MTHFD2L: variants seen among roughly 807,000 people sequenced by gnomAD.
The protein encoded by MTHFD2L is bifunctional methylenetetrahydrofolate dehydrogenase/cyclohydrolase 2, mitochondrial.
A neutral mutation model predicts 34.9 loss-of-function variants in MTHFD2L; 29 were observed. The ratio of observed to expected loss-of-function variants is 0.83; its 90% CI spans 0.62 to 1.13. The LOEUF is 1.13. Ranked by LOEUF, MTHFD2L falls within the 50% of genes most tolerant of loss-of-function variation. The pLI is 0.00. For missense variants in MTHFD2L, 481 were observed against 446.5 expected, an observed-to-expected ratio of 1.08 and a Z score of -0.70; for synonymous variants, 167 against 155.7, an observed-to-expected ratio of 1.07 and a Z score of -0.54.
At chr4:74,117,363 T>C (rs1402962335) in intron 2 of MTHFD2L, among the ~76,000 whole-genome samples, 3 of 152,198 alleles carry the variant, frequency 2.0e-5, no homozygotes, top group Admixed American at 6.5e-5. Flanking sequence ...ATTCAGCTAC[T>C]ATTGTTAAGA....
At chr4:74,269,599 T>A (rs894513579) in intron 6 of MTHFD2L, among the ~76,000 whole-genome samples, 2 of 152,000 alleles carry the variant, frequency 1.3e-5, no homozygotes, top group Admixed American at 6.6e-5. Context: ...ATAAATTATG[T>A]CTACTTTCAT....
intron 5 of MTHFD2L, among the ~76,000 whole-genome samples, chr4:74,221,252 CAT>C (rs1184011467): frequency 2.0e-5 from 3 of 151,212 alleles, no homozygotes; most frequent in Non-Finnish European, 3.0e-5. Flanking sequence ...ACCATTTGCA[CAT>C]GAGAAGAAAA....
upstream of MTHFD2L, chr4:74,123,161 A>G (rs995964747): frequency 6.6e-6 from 1 of 152,190 alleles, no homozygotes; most frequent in Non-Finnish European, 1.5e-5. Flanking sequence ...TTCAAAGTGC[A>G]TAGTGGCATA....
At chr4:74,164,876 C>A in intron 1 of MTHFD2L, 1 of 703,014 alleles carries the variant, frequency 1.4e-6, no homozygotes, top group Non-Finnish European at 1.7e-6. Context: ...CAGCAGTAGG[C>A]TGGGCTTTTG....
chr4:74,272,615 G>A (rs1224851398), intron 6 of MTHFD2L, among the ~76,000 whole-genome samples: 1 of 152,056 alleles, frequency 6.6e-6, no homozygotes, highest in Non-Finnish European at 1.5e-5. Flanking sequence ...TTTAATGATT[G>A]GTAATACCGG....
At chr4:74,194,536 T>C (rs1490391801) in intron 3 of MTHFD2L, 3 of 152,230 alleles carry the variant, frequency 2.0e-5, no homozygotes, top group Non-Finnish European at 4.4e-5. Context: ...CAATATAAGC[T>C]ACTTCACAAT....
At chr4:74,292,824 TTTTTTAGTAGAAATA>T (rs1749126148) in intron 7 of MTHFD2L, among the ~76,000 whole-genome samples, 1 of 152,062 alleles carries the variant, frequency 6.6e-6, no homozygotes, top group Non-Finnish European at 1.5e-5. Context: ...AAAGCAATTT[TTTTTTAGTAGAAATA>T]TCTTTTTTAT....
chr4:74,206,100 G>T (rs1221355532), intron 5 of MTHFD2L, among the ~76,000 whole-genome samples: 1 of 150,978 alleles, frequency 6.6e-6, no homozygotes. Context: ...GCAAGGCCTG[G>T]TAGAAAGACA....
chr4:74,138,899 T>C (rs1340116119), intron 1 of MTHFD2L, among the ~76,000 whole-genome samples: 7 of 152,318 alleles, frequency 4.6e-5, no homozygotes, highest in Admixed American at 3.3e-4. Context: ...GATTTGACTA[T>C]TTCTTTACCT....
chr4:74,240,829 T>C (rs1741598909), intron 6 of MTHFD2L, among the ~76,000 whole-genome samples: 1 of 152,194 alleles, frequency 6.6e-6, no homozygotes. Context: ...TGTTACTTTT[T>C]AATATAGAGG....
At chr4:74,243,571 T>TA (rs928319609) in intron 6 of MTHFD2L, among the ~76,000 whole-genome samples, 4 of 152,094 alleles carry the variant, frequency 2.6e-5, no homozygotes, top group Non-Finnish European at 5.9e-5. Flanking sequence ...TTTTTTTTTT[T>TA]ACTTTAAAAA....
chr4:74,190,461 T>G, intron 3 of MTHFD2L: 1 of 985,374 alleles, frequency 1.0e-6, no homozygotes, highest in Non-Finnish European at 1.2e-6. Context: ...TTTTCGTGGC[T>G]GTAGGAGAGG....
intron 1 of MTHFD2L, among the ~76,000 whole-genome samples, chr4:74,149,524 C>T (rs908622154): frequency 4.6e-5 from 7 of 152,080 alleles, no homozygotes; most frequent in African/African-American, 1.7e-4. Flanking sequence ...ATGTTAAACT[C>T]AAATAACAAA....
At chr4:74,140,759 A>C (rs934294612) in intron 1 of MTHFD2L, among the ~76,000 whole-genome samples, 1 of 152,220 alleles carries the variant, frequency 6.6e-6, no homozygotes, top group African/African-American at 2.4e-5. Flanking sequence ...ACATGGCAGC[A>C]GGAAGAAGAA....
chr4:74,280,180 G>A (rs1026627319), intron 6 of MTHFD2L: 2 of 152,096 alleles, frequency 1.3e-5, no homozygotes, highest in African/African-American at 4.8e-5. Flanking sequence ...ATTGAGAAGT[G>A]GAGTCTCTGT....
At chr4:74,237,123 G>C (rs1202780630) in intron 6 of MTHFD2L, among the ~76,000 whole-genome samples, 3 of 152,128 alleles carry the variant, frequency 2.0e-5, no homozygotes, top group Non-Finnish European at 2.9e-5. Context: ...AAATAATAAA[G>C]AGGAGAAGGA....
chr4:74,265,488 G>A (rs1415991972), intron 6 of MTHFD2L, among the ~76,000 whole-genome samples: 1 of 152,118 alleles, frequency 6.6e-6, no homozygotes, highest in African/African-American at 2.4e-5. Flanking sequence ...GATGTGCCAG[G>A]CAATGTGCTA....
chr4:74,125,631 T>C (rs1194611014), intron 1 of MTHFD2L: 6 of 152,158 alleles, frequency 3.9e-5, no homozygotes, highest in Non-Finnish European at 5.9e-5. Context: ...ATCTCACTTT[T>C]ATTTATTTTT....
chr4:74,127,101 G>T (rs1243300516), intron 1 of MTHFD2L, among the ~76,000 whole-genome samples: 1 of 148,788 alleles, frequency 6.7e-6, no homozygotes, highest in East Asian at 1.9e-4. Flanking sequence ...GTTTCCTGAG[G>T]CCTCCCCGGC....
Sources: allele counts gnomAD v4.1 joint callset (sites outside exome capture counted in the v4.1 genomes callset), GRCh38; gene constraint gnomAD v4.1.1; transcripts MANE v1.5; gene names NCBI Gene and HGNC (gene_info 2026-07-23, HGNC 2026-07-21).